The following CNTNAP2 variants were observed in gnomAD, a reference collection of about 807,000 sequenced individuals.
CNTNAP2 encodes the protein contactin-associated protein-like 2.
In CNTNAP2, 98 loss-of-function variants were observed where a neutral mutation model predicts 155.2. The ratio of observed to expected loss-of-function variants is 0.63; its 90% CI spans 0.54 to 0.75. CNTNAP2 has a LOEUF of 0.75. CNTNAP2 is among the 30% of genes least tolerant of loss of function. The pLI is 0.00. For missense variants in CNTNAP2, 1,727 were observed against 1,688.1 expected, an observed-to-expected ratio of 1.02 and a Z score of -0.40; for synonymous variants, 651 against 631.2, an observed-to-expected ratio of 1.03 and a Z score of -0.47.
intron 2 of CNTNAP2, among the ~76,000 whole-genome samples, chr7:146,832,273 G>T: frequency 6.6e-6 from 1 of 152,042 alleles, no homozygotes; most frequent in East Asian, 1.9e-4. Context: ...TGTTCAGAAG[G>T]TCTTAAAATT....
chr7:148,161,213 C>T (rs1274785061), intron 17 of CNTNAP2, among the ~76,000 whole-genome samples: 3 of 152,170 alleles, frequency 2.0e-5, no homozygotes, highest in African/African-American at 7.2e-5. Context: ...ATGTCGGCAC[C>T]ATAACGCAGG....
chr7:146,922,021 A>G (rs1796510090), intron 3 of CNTNAP2, among the ~76,000 whole-genome samples: 1 of 152,134 alleles, frequency 6.6e-6, no homozygotes, highest in Non-Finnish European at 1.5e-5. Context: ...GCCACCCATA[A>G]TAGAAAATTT....
chr7:148,383,554 A>T, intron 21 of CNTNAP2, 95 bp from the exon 22 acceptor site: 1 of 1,552,922 alleles, frequency 6.4e-7, no homozygotes, highest in Non-Finnish European at 8.9e-7. Context: ...TGAAACCTAA[A>T]TGTAAGCTTT....
intron 8 of CNTNAP2, among the ~76,000 whole-genome samples, chr7:147,199,913 G>A (rs545326437): frequency 2.0e-4 from 30 of 152,210 alleles, no homozygotes; most frequent in African/African-American, 6.3e-4. Flanking sequence ...TAATTTGAAG[G>A]AGTGGATTCA....
chr7:147,625,266 T>G (rs527244027), intron 12 of CNTNAP2, among the ~76,000 whole-genome samples: 1 of 152,328 alleles, frequency 6.6e-6, no homozygotes, highest in East Asian at 1.9e-4. Context: ...ATTGGATTGT[T>G]TGTAACACAA....
chr7:146,351,249 TAA>T (rs1794910987), intron 1 of CNTNAP2, among the ~76,000 whole-genome samples: 1 of 151,768 alleles, frequency 6.6e-6, no homozygotes, highest in Non-Finnish European at 1.5e-5. Context: ...GAAAATAAAA[TAA>T]GTTTACTTGA....
At chr7:148,380,637 T>TC (rs1359208295) in intron 21 of CNTNAP2, among the ~76,000 whole-genome samples, 1 of 151,862 alleles carries the variant, frequency 6.6e-6, no homozygotes, top group Non-Finnish European at 1.5e-5. Context: ...TTGACTTCTT[T>TC]TTTTTTTATA....
intron 8 of CNTNAP2, among the ~76,000 whole-genome samples, chr7:147,135,591 A>C (rs936091680): frequency 4.0e-5 from 6 of 151,818 alleles, no homozygotes; most frequent in Middle Eastern, 3.2e-3. Flanking sequence ...TTTTAACTTT[A>C]AAATTCAAAA....
chr7:147,537,127 A>G (rs1427938630), intron 11 of CNTNAP2, among the ~76,000 whole-genome samples: 1 of 152,228 alleles, frequency 6.6e-6, no homozygotes, highest in Admixed American at 6.5e-5. Flanking sequence ...CAAATGTGGA[A>G]AGAACCATGC....
At chr7:146,866,650 T>G (rs949271804) in intron 3 of CNTNAP2, among the ~76,000 whole-genome samples, 1 of 152,154 alleles carries the variant, frequency 6.6e-6, no homozygotes, top group Non-Finnish European at 1.5e-5. Context: ...AATCCTTTTT[T>G]TCACCATGTT....
chr7:147,644,955 C>T (rs552849853), intron 13 of CNTNAP2, among the ~76,000 whole-genome samples: 5 of 151,928 alleles, frequency 3.3e-5, no homozygotes, highest in Non-Finnish European at 5.9e-5. Flanking sequence ...ATATTTAGCC[C>T]TGTTTTGTTG....
intron 10 of CNTNAP2, among the ~76,000 whole-genome samples, chr7:147,400,318 C>T (rs1584926132): frequency 6.6e-6 from 1 of 152,130 alleles, no homozygotes; most frequent in Non-Finnish European, 1.5e-5. Context: ...TGAGTCAGTC[C>T]TTGTTGGTAT....
intron 13 of CNTNAP2, among the ~76,000 whole-genome samples, chr7:147,863,477 T>C (rs1007042395): frequency 1.3e-5 from 2 of 152,222 alleles, no homozygotes; most frequent in Non-Finnish European, 2.9e-5. Flanking sequence ...ATGGTATTTC[T>C]AGTTCTAGAT....
At chr7:146,845,021 A>G (rs1375702121) in intron 3 of CNTNAP2, among the ~76,000 whole-genome samples, 1 of 152,130 alleles carries the variant, frequency 6.6e-6, no homozygotes, top group African/African-American at 2.4e-5. Context: ...TAAATAGATT[A>G]CTTATTTTCA....
At chr7:148,068,110 C>T (rs1054250372) in intron 15 of CNTNAP2, among the ~76,000 whole-genome samples, 2 of 152,170 alleles carry the variant, frequency 1.3e-5, no homozygotes, top group Admixed American at 6.5e-5. Context: ...CAGGCCCCAC[C>T]TCTCCCCACC....
intron 1 of CNTNAP2, among the ~76,000 whole-genome samples, chr7:146,150,909 C>G (rs1202752459): frequency 6.6e-6 from 1 of 151,944 alleles, no homozygotes; most frequent in Non-Finnish European, 1.5e-5. Flanking sequence ...CTGCCCAATA[C>G]AGGGTAATTT....
rs550983904 is a variant in CNTNAP2 at position 146,847,237 on chromosome 7, C to G, written c.402+7333C>G. On this transcript the variant is annotated intron_variant, in intron 3 of 23. Transcript: ENST00000361727. ...GCTCAAGTGGTAACTTAGAGGAATA[C>G]TAGTATGCTTATTTTGGGAAATTTA... Among the ~76,000 whole-genome samples the G allele has an allele frequency of 1.5e-4, 23 of 152,222 alleles. No individual in the cohort carries two copies. In the South Asian group the frequency reaches 3.9e-3, roughly 26 times the overall value.
intron 15 of CNTNAP2, among the ~76,000 whole-genome samples, chr7:147,997,320 G>A (rs779996225): frequency 2.0e-5 from 3 of 152,090 alleles, no homozygotes; most frequent in African/African-American, 4.8e-5. Flanking sequence ...TTGGGAGGCC[G>A]AGGCGGGTGG....
intron 13 of CNTNAP2, among the ~76,000 whole-genome samples, chr7:147,884,922 G>A (rs1275130691): frequency 6.6e-6 from 1 of 152,104 alleles, no homozygotes; most frequent in Admixed American, 6.6e-5. Context: ...AAAAGGATTT[G>A]TGCCCCCACT....
Sources: gnomAD v4.1 joint callset for allele counts (sites outside exome capture counted in the v4.1 genomes callset) on GRCh38, gnomAD v4.1.1 for gene constraint, MANE v1.5 for transcripts, NCBI Gene and HGNC (gene_info 2026-07-23, HGNC 2026-07-21) for gene names.